KCND2: variants seen among roughly 807,000 people sequenced by gnomAD.
The protein encoded by KCND2 is potassium voltage-gated channel subfamily D member 2.
Under a neutral mutation model 54.4 loss-of-function variants are expected in KCND2, and 16 were observed. That is an observed-to-expected ratio of 0.29 (90% CI 0.20 to 0.45). The LOEUF (loss-of-function observed/expected upper bound fraction) is 0.45. Ranked by LOEUF, KCND2 falls within the 20% of genes least tolerant of loss-of-function variation. The probability of loss-of-function intolerance (pLI) is 1.00; values close to 1 mark genes in which losing one functional copy is unlikely to be tolerated. For missense variants in KCND2, 486 were observed against 824.2 expected (o/e 0.59, Z 5.02); for synonymous variants, 317 against 310.7 (o/e 1.02, Z -0.21).
chr7:120,407,046 G>C (rs2116096565), intron 1 of KCND2, among the ~76,000 whole-genome samples: 1 of 151,794 alleles, frequency 6.6e-6, no homozygotes, highest in Non-Finnish European at 1.5e-5. Context: ...AAATATATTT[G>C]GGAAATTCTC....
At chr7:120,617,780 A>G (rs575311722) in intron 1 of KCND2, among the ~76,000 whole-genome samples, 3 of 152,286 alleles carry the variant, frequency 2.0e-5, no homozygotes, top group South Asian at 2.1e-4. Context: ...TAAAGAAAAT[A>G]TGGTACATGT....
intron 1 of KCND2, among the ~76,000 whole-genome samples, chr7:120,487,480 T>C (rs919187012): frequency 4.2e-4 from 64 of 151,788 alleles, no homozygotes; most frequent in African/African-American, 1.4e-3. Flanking sequence ...CTCTGGGAAA[T>C]AGAATGAAAT....
At chr7:120,632,394 A>G (rs769487336) in intron 1 of KCND2, among the ~76,000 whole-genome samples, 48 of 152,312 alleles carry the variant, frequency 3.2e-4, no homozygotes, top group Non-Finnish European at 5.6e-4. Context: ...TCAAAGCCAG[A>G]GACAACAATC....
intron 1 of KCND2, among the ~76,000 whole-genome samples, chr7:120,684,241 TA>T (rs1053893166): frequency 6.6e-6 from 1 of 152,170 alleles, no homozygotes; most frequent in African/African-American, 2.4e-5. Flanking sequence ...TCACGTTTGC[TA>T]AAATACATTT....
At chr7:120,570,885 A>C (rs1256276177) in intron 1 of KCND2, among the ~76,000 whole-genome samples, 3 of 152,172 alleles carry the variant, frequency 2.0e-5, no homozygotes, top group African/African-American at 7.2e-5. Context: ...AAGCGGTATA[A>C]ACAGTTGGTG....
chr7:120,340,593 TAAAG>T, intron 1 of KCND2, among the ~76,000 whole-genome samples: 1 of 152,154 alleles, frequency 6.6e-6, no homozygotes. Context: ...TGGAAGCCAA[TAAAG>T]AAAGTATATC....
intron 1 of KCND2, among the ~76,000 whole-genome samples, chr7:120,582,110 A>G (rs963750949): frequency 2.0e-5 from 3 of 152,120 alleles, no homozygotes; most frequent in Non-Finnish European, 4.4e-5. Flanking sequence ...CATCTACAAC[A>G]TTCAATGGAA....
At chr7:120,353,565 C>T (rs191672462) in intron 1 of KCND2, among the ~76,000 whole-genome samples, 71 of 151,998 alleles carry the variant, frequency 4.7e-4, no homozygotes, top group African/African-American at 1.7e-3. Flanking sequence ...GAAAGAAGAG[C>T]TTGGGGAAAA....
rs1240069859 is a variant in KCND2 at position 120,338,327 on chromosome 7, G to A, written c.1115+62580G>A. Among the ~76,000 whole-genome samples the A allele has an allele frequency of 3.9e-5, 6 of 152,052 alleles. No homozygotes were observed. In the East Asian group the frequency reaches 1.2e-3, roughly 29 times the overall value. On this transcript the variant is annotated intron_variant, in intron 1 of 5. Coordinates refer to ENST00000331113, the MANE Select transcript of KCND2 (RefSeq NM_012281.3). ...ATAGAAAGTACAGTGACTTTTCTAA[G>A]TTATATAGCCAATCTTTCCCTGACT... is the stretch of plus-strand genomic sequence containing the variant.
intron 1 of KCND2, among the ~76,000 whole-genome samples, chr7:120,570,735 AATG>A (rs904670647): frequency 9.2e-5 from 14 of 152,258 alleles, no homozygotes; most frequent in African/African-American, 3.1e-4. Flanking sequence ...TTATTTCTAT[AATG>A]ATTCTCTCAC....
At chr7:120,632,093 T>G (rs2116516396) in intron 1 of KCND2, among the ~76,000 whole-genome samples, 1 of 152,276 alleles carries the variant, frequency 6.6e-6, no homozygotes, top group African/African-American at 2.4e-5. Flanking sequence ...GTAACCTCTC[T>G]GAGACATAGC....
chr7:120,595,460 A>ATATAT (rs1554373350), intron 1 of KCND2, among the ~76,000 whole-genome samples: 2 of 112,950 alleles, frequency 1.8e-5, no homozygotes, highest in African/African-American at 6.3e-5. Flanking sequence ...CCAAAAAAAA[A>ATATAT]ATATATATAT....
intron 1 of KCND2, among the ~76,000 whole-genome samples, chr7:120,717,840 T>C (rs1433653824): frequency 1.3e-5 from 2 of 152,150 alleles, no homozygotes; most frequent in Non-Finnish European, 2.9e-5. Flanking sequence ...ATTTCTATTA[T>C]TGCAGTTATT....
chr7:120,363,404 A>G (rs576884149), intron 1 of KCND2, among the ~76,000 whole-genome samples: 2 of 152,286 alleles, frequency 1.3e-5, no homozygotes, highest in African/African-American at 4.8e-5. Context: ...ACCACATTTT[A>G]GCAATATTAG....
At chr7:120,701,004 G>T (rs763333390) in intron 1 of KCND2, among the ~76,000 whole-genome samples, 5 of 152,108 alleles carry the variant, frequency 3.3e-5, no homozygotes, top group Non-Finnish European at 7.4e-5. Flanking sequence ...CCTACCCTCA[G>T]GGTGTGGCAC....
At chr7:120,467,679 A>G (rs529755257) in intron 1 of KCND2, among the ~76,000 whole-genome samples, 1 of 152,064 alleles carries the variant, frequency 6.6e-6, no homozygotes, top group Non-Finnish European at 1.5e-5. Context: ...TGCATGTTCT[A>G]TTATTAGCTA....
chr7:120,422,058 C>T (rs1374614452), intron 1 of KCND2, among the ~76,000 whole-genome samples: 1 of 152,040 alleles, frequency 6.6e-6, no homozygotes, highest in Admixed American at 6.5e-5. Flanking sequence ...TTATGAAATG[C>T]TAAATATGAA....
chr7:120,498,252 C>T (rs1213680412), intron 1 of KCND2, among the ~76,000 whole-genome samples: 4 of 152,078 alleles, frequency 2.6e-5, no homozygotes, highest in South Asian at 2.1e-4. Context: ...GAGGCCGAGG[C>T]GGGTGGATCA....
intron 1 of KCND2, among the ~76,000 whole-genome samples, chr7:120,684,808 G>A (rs1792181391): frequency 6.6e-6 from 1 of 152,102 alleles, no homozygotes; most frequent in Admixed American, 6.6e-5. Context: ...TCTCATAGGA[G>A]CACAAACCCT....
Sources: gnomAD v4.1 joint callset for allele counts (sites outside exome capture counted in the v4.1 genomes callset) on GRCh38, gnomAD v4.1.1 for gene constraint, MANE v1.5 for transcripts, NCBI Gene and HGNC (gene_info 2026-07-23, HGNC 2026-07-21) for gene names.